CACNA1I: variants seen among roughly 807,000 people sequenced by gnomAD.
The protein encoded by CACNA1I is voltage-dependent T-type calcium channel subunit alpha-1I.
Under a neutral mutation model 201.6 loss-of-function variants are expected in CACNA1I, and 74 were observed. The observed-to-expected ratio is 0.37, with a 90% CI of 0.30 to 0.45. The LOEUF is 0.45. CACNA1I is among the 20% of genes least tolerant of loss of function. CACNA1I has a pLI of 1.00. For missense variants in CACNA1I, 2,346 were observed against 3,138.1 expected (o/e 0.75, Z 6.03); for synonymous variants, 1,431 against 1,345.2 (o/e 1.06, Z -1.40).
At chr22:39,603,525 C>T (rs969321349) in intron 3 of CACNA1I, among the ~76,000 whole-genome samples, 1 of 152,156 alleles carries the variant, frequency 6.6e-6, no homozygotes, top group Non-Finnish European at 1.5e-5. Context: ...GATGCCTGCT[C>T]TTGTTTTATG....
chr22:39,578,185 C>T (rs1170204693), intron 1 of CACNA1I, among the ~76,000 whole-genome samples: 1 of 152,084 alleles, frequency 6.6e-6, no homozygotes, highest in Non-Finnish European at 1.5e-5. Context: ...AGGAATGGCG[C>T]CATCTCTGCA....
In CACNA1I at chr22:39,648,249, G is replaced by A. The variant is rs975100743; in HGVS notation, c.1567+323G>A. Among the ~76,000 whole-genome samples, 3 of 152,118 alleles carry A rather than the reference G, an allele frequency of 2.0e-5. No homozygotes were observed. The highest frequency in any genetic ancestry group is 7.2e-5 in the African/African-American group (3 of 41,438). Reference sequence around the variant, plus strand: ...GTCCTCGGGTGCCAGCCATCCAGGCGTGGGCTCGGAGGAGGCCCCAGGTGG... The same window carrying A: ...GTCCTCGGGTGCCAGCCATCCAGGCATGGGCTCGGAGGAGGCCCCAGGTGG... On this transcript the variant is annotated intron_variant, in intron 9 of 36. Transcript: ENST00000402142. The surrounding 1 kb of genome is among the most constrained non-coding windows in gnomAD (Gnocchi z 5.4).
At chr22:39,641,829 T>C (rs1346505437) in intron 6 of CACNA1I, among the ~76,000 whole-genome samples, 1 of 151,458 alleles carries the variant, frequency 6.6e-6, no homozygotes, top group Non-Finnish European at 1.5e-5. Context: ...CAGTGGACCT[T>C]GGCCAGTATT....
chr22:39,611,884 C>T (rs1474416947), intron 3 of CACNA1I, among the ~76,000 whole-genome samples: 4 of 152,148 alleles, frequency 2.6e-5, no homozygotes, highest in Admixed American at 2.6e-4. Flanking sequence ...CCCCCAAATC[C>T]CCCCTGTACT....
At chr22:39,582,659 A>G (rs965564812) in intron 1 of CACNA1I, among the ~76,000 whole-genome samples, 1 of 151,934 alleles carries the variant, frequency 6.6e-6, no homozygotes, top group Non-Finnish European at 1.5e-5. Context: ...ATAGACTTGG[A>G]TTAGAACCCT....
In CACNA1I at chr22:39,670,756, A is replaced by AC. The variant is rs762217109; in HGVS notation, c.4388-43dup. On this transcript the variant is annotated intron_variant, in intron 25 of 36. Coordinates refer to ENST00000402142, the MANE Select transcript of CACNA1I (RefSeq NM_021096.4). ...TTTGTGCTCTGTGCCCTTTCCCTTG[A>AC]CCCCAACCCTCTGTGGTCTTTGCCA... The AC allele has an allele frequency of 3.4e-5, 54 of 1,603,736 alleles. No individual in the cohort carries two copies. In the African/African-American group the frequency reaches 6.9e-4, roughly 20 times the overall value.
At chr22:39,663,697 G>GCGGCCC in intron 18 of CACNA1I, 21 bp from the exon 19 acceptor site, 1 of 1,592,626 alleles carries the variant, frequency 6.3e-7, no homozygotes, top group Non-Finnish European at 8.6e-7. Flanking sequence ...CGCTCAGGCA[G>GCGGCCC]CCCCCGCCCA....
intron 29 of CACNA1I, among the ~76,000 whole-genome samples, chr22:39,674,450 G>C (rs371062699): frequency 3.9e-5 from 6 of 152,318 alleles, no homozygotes; most frequent in African/African-American, 1.4e-4. Flanking sequence ...GACTTCCAAG[G>C]GTGGCTTGGC....
intron 1 of CACNA1I, among the ~76,000 whole-genome samples, chr22:39,586,312 T>C (rs1252845003): frequency 6.6e-6 from 1 of 151,990 alleles, no homozygotes; most frequent in Non-Finnish European, 1.5e-5. Context: ...CAACATATAA[T>C]GAAACCCCTT....
rs1233321565 is a variant in CACNA1I at position 39,665,704 on chromosome 22, C to A, written c.3978+80C>A. 45 of 1,567,712 alleles carry A rather than the reference C, an allele frequency of 2.9e-5. No individual in the cohort carries two copies. Among genetic ancestry groups the A allele is most frequent in the Non-Finnish European group, 3.7e-5 (43 of 1,147,490 alleles). ...GTCTCAGACAGCCAGGGGAGAGACT[C>A]CACATTCCAACCTCATGCGCCTTGC... On this transcript the variant is annotated intron_variant, in intron 22 of 36. Coordinates refer to ENST00000402142, the MANE Select transcript of CACNA1I (RefSeq NM_021096.4). This position sits in a 1 kb window ranked among gnomAD's most constrained non-coding sequence, Gnocchi z 5.5.
intron 1 of CACNA1I, among the ~76,000 whole-genome samples, chr22:39,592,390 G>T (rs1932833168): frequency 6.6e-6 from 1 of 152,216 alleles, no homozygotes; most frequent in African/African-American, 2.4e-5. Flanking sequence ...TGAGTCTGTT[G>T]TCTAAGTGTC....
At chr22:39,585,895 A>G (rs1932736896) in intron 1 of CACNA1I, among the ~76,000 whole-genome samples, 1 of 151,462 alleles carries the variant, frequency 6.6e-6, no homozygotes. Context: ...AAAAAAATGC[A>G]TTTGACCTGG....
intron 3 of CACNA1I, among the ~76,000 whole-genome samples, chr22:39,607,128 G>A (rs1003894763): frequency 5.9e-5 from 9 of 152,232 alleles, no homozygotes; most frequent in Non-Finnish European, 1.2e-4. Context: ...TCTCCAGAAT[G>A]AGGTTTGCCA....
chr22:39,643,918 C>G (rs537310668), intron 7 of CACNA1I, among the ~76,000 whole-genome samples: 1 of 152,358 alleles, frequency 6.6e-6, no homozygotes, highest in African/African-American at 2.4e-5. Flanking sequence ...TAAGGCCCAG[C>G]CCCTGTCCTC....
rs746715227 is a variant in CACNA1I at position 39,673,097 on chromosome 22, G to A, written c.4783+15G>A. The A allele has an allele frequency of 6.2e-7, 1 of 1,609,994 alleles. No individual in the cohort carries two copies. Among genetic ancestry groups the A allele is most frequent in the South Asian group, 1.1e-5 (1 of 90,584 alleles). On this transcript the variant is annotated intron_variant, in intron 28 of 36. Transcript: ENST00000402142. ...CATTGCCCGAGGTGAGGGGCAAGGG[G>A]TGGGACAGGGAACGGGGACAAGCAG...
intron 7 of CACNA1I, among the ~76,000 whole-genome samples, chr22:39,644,325 G>A (rs1048402121): frequency 2.0e-5 from 3 of 152,218 alleles, no homozygotes; most frequent in Non-Finnish European, 4.4e-5. Flanking sequence ...AGCTCATTGT[G>A]AAATGGGGGA....
At chr22:39,625,536 C>T (rs896903998) in intron 4 of CACNA1I, among the ~76,000 whole-genome samples, 3 of 152,184 alleles carry the variant, frequency 2.0e-5, no homozygotes, top group Admixed American at 6.5e-5. Context: ...GGATTAAATA[C>T]GTGGCTCTCA....
At chr22:39,624,309 C>G (rs1486856163) in intron 4 of CACNA1I, among the ~76,000 whole-genome samples, 2 of 152,142 alleles carry the variant, frequency 1.3e-5, no homozygotes, top group African/African-American at 4.8e-5. Context: ...AGGTGGAGGA[C>G]ACTCCCGGTC....
chr22:39,670,383 T>C (rs1004366036), intron 25 of CACNA1I, among the ~76,000 whole-genome samples, 153 bp downstream of exon 25: 1 of 152,184 alleles, frequency 6.6e-6, no homozygotes, highest in Non-Finnish European at 1.5e-5. Flanking sequence ...CATCTTCCTG[T>C]CCAGGGGATC....
Sources: gnomAD v4.1 joint callset for allele counts (sites outside exome capture counted in the v4.1 genomes callset) on GRCh38, gnomAD v4.1.1 for gene constraint, Gnocchi (gnomAD v3.1) non-coding constraint, MANE v1.5 for transcripts, NCBI Gene and HGNC (gene_info 2026-07-23, HGNC 2026-07-21) for gene names.